BICC1: variants seen among roughly 807,000 people sequenced by gnomAD.
BICC1 encodes BicC family RNA binding protein 1.
Under a neutral mutation model 111.0 loss-of-function variants are expected in BICC1, and 43 were observed. The ratio of observed to expected loss-of-function variants is 0.39; its 90% CI spans 0.30 to 0.50. The LOEUF is 0.50. Ranked by LOEUF, BICC1 falls within the 20% of genes least tolerant of loss-of-function variation. BICC1 has a pLI of 0.88. For missense variants in BICC1, 1,091 were observed against 1,203.2 expected, an observed-to-expected ratio of 0.91 and a Z score of 1.38; for synonymous variants, 467 against 434.4, an observed-to-expected ratio of 1.07 and a Z score of -0.93.
intron 3 of BICC1, among the ~76,000 whole-genome samples, chr10:58,745,469 T>C (rs1292740176): frequency 6.6e-6 from 1 of 152,040 alleles, no homozygotes; most frequent in Non-Finnish European, 1.5e-5. Flanking sequence ...AAATTTATTA[T>C]CCTATATTTT....
chr10:58,699,095 T>A (rs1331111094), intron 2 of BICC1, among the ~76,000 whole-genome samples: 1 of 152,250 alleles, frequency 6.6e-6, no homozygotes, highest in Non-Finnish European at 1.5e-5. Flanking sequence ...CAGCTCCAGA[T>A]GTCAAATTCT....
At chr10:58,646,212 A>G (rs3862867) in intron 2 of BICC1, among the ~76,000 whole-genome samples, 1,827 of 152,280 alleles carry the variant, frequency 0.012, 44 homozygotes, top group African/African-American at 0.042. Flanking sequence ...TAGATGGGAA[A>G]TGCAGACTAA....
At chr10:58,793,905 C>T (rs892605636) in intron 9 of BICC1, among the ~76,000 whole-genome samples, 4 of 152,088 alleles carry the variant, frequency 2.6e-5, no homozygotes, top group Admixed American at 2.6e-4. Flanking sequence ...CTTCTGGTCC[C>T]AGGCATTTCA....
intron 1 of BICC1, among the ~76,000 whole-genome samples, chr10:58,583,582 C>CTG (rs1191365787): frequency 1.6e-4 from 11 of 69,552 alleles, no homozygotes; most frequent in African/African-American, 2.8e-4. Context: ...TATTCTCTCT[C>CTG]TCTGTGTGTG....
intron 2 of BICC1, among the ~76,000 whole-genome samples, chr10:58,660,743 G>A (rs1255498532): frequency 6.6e-6 from 1 of 152,024 alleles, no homozygotes; most frequent in African/African-American, 2.4e-5. Context: ...GCCTCTGCCT[G>A]GCAACTCCAC....
chr10:58,674,408 A>G (rs1209131827), intron 2 of BICC1, among the ~76,000 whole-genome samples: 1 of 152,130 alleles, frequency 6.6e-6, no homozygotes, highest in Non-Finnish European at 1.5e-5. Flanking sequence ...AAATGAGACA[A>G]TATATTTCTT....
At chr10:58,752,580 AT>A in intron 3 of BICC1, among the ~76,000 whole-genome samples, 1 of 152,064 alleles carries the variant, frequency 6.6e-6, no homozygotes, top group East Asian at 1.9e-4. Flanking sequence ...CTTTCTTCTC[AT>A]TTCTCTTCTT....
chr10:58,627,537 T>C (rs1487438076), intron 2 of BICC1, among the ~76,000 whole-genome samples: 1 of 152,222 alleles, frequency 6.6e-6, no homozygotes, highest in Non-Finnish European at 1.5e-5. Context: ...TGGAACTATT[T>C]CGACATTATG....
intron 3 of BICC1, among the ~76,000 whole-genome samples, chr10:58,719,310 C>T (rs748707159): frequency 2.0e-5 from 3 of 152,148 alleles, no homozygotes; most frequent in Non-Finnish European, 2.9e-5. Flanking sequence ...CATTATGCTA[C>T]TTTACACCTG....
At chr10:58,674,208 C>G (rs1839269678) in intron 2 of BICC1, among the ~76,000 whole-genome samples, 1 of 152,146 alleles carries the variant, frequency 6.6e-6, no homozygotes, top group East Asian at 1.9e-4. Context: ...AGGGACAGTC[C>G]CTATCCTATT....
At chr10:58,608,857 A>G (rs1845322171) in intron 1 of BICC1, among the ~76,000 whole-genome samples, 2 of 152,256 alleles carry the variant, frequency 1.3e-5, no homozygotes, top group Admixed American at 1.3e-4. Flanking sequence ...AAATAAATAA[A>G]GAAATACATA....
At chr10:58,563,013 C>A (rs1288665266) in intron 1 of BICC1, among the ~76,000 whole-genome samples, 1 of 152,082 alleles carries the variant, frequency 6.6e-6, no homozygotes, top group Non-Finnish European at 1.5e-5. Context: ...AGGGTAGTCT[C>A]CTCTCTATGC....
At chr10:58,778,366 A>C (rs542998253) in intron 3 of BICC1, among the ~76,000 whole-genome samples, 2 of 152,202 alleles carry the variant, frequency 1.3e-5, no homozygotes, top group Admixed American at 6.5e-5. Context: ...TTGACTCCCC[A>C]AAAACTTTAT....
intron 1 of BICC1, among the ~76,000 whole-genome samples, chr10:58,607,828 C>T (rs993228494): frequency 2.6e-5 from 4 of 152,164 alleles, no homozygotes; most frequent in Non-Finnish European, 5.9e-5. Flanking sequence ...TATGATAGTA[C>T]AGTCCGTAAC....
chr10:58,661,870 T>C (rs919626266), intron 2 of BICC1, among the ~76,000 whole-genome samples: 3 of 152,136 alleles, frequency 2.0e-5, no homozygotes, highest in African/African-American at 7.2e-5. Flanking sequence ...TTTTAAAAGA[T>C]GAAATCAAGA....
intron 3 of BICC1, among the ~76,000 whole-genome samples, chr10:58,708,110 C>T (rs1840453052): frequency 6.8e-6 from 1 of 147,692 alleles, no homozygotes; most frequent in Non-Finnish European, 1.5e-5. Flanking sequence ...TCCCAAAGTG[C>T]TGGGATTACA....
At chr10:58,756,887 A>G (rs1016615380) in intron 3 of BICC1, among the ~76,000 whole-genome samples, 1 of 152,206 alleles carries the variant, frequency 6.6e-6, no homozygotes. Flanking sequence ...TCGTAGATTT[A>G]GATAACATGA....
intron 2 of BICC1, 79 bp downstream of exon 2, chr10:58,620,980 G>A (rs548613039): frequency 3.7e-5 from 46 of 1,246,898 alleles, no homozygotes; most frequent in African/African-American, 2.3e-4. Flanking sequence ...AGAAGCCACC[G>A]AACGCTCCCC....
rs147549801 is a variant in BICC1, at chr10:58,721,945, G to T, written c.307+19802G>T. 2.0e-5 allele frequency among the ~76,000 whole-genome samples: 3 copies of T among 152,270 alleles called. No homozygotes were observed. In the East Asian group the frequency reaches 5.8e-4, roughly 29 times the overall value. The stretch of plus-strand genomic sequence containing the variant: ...TCCTGAAAGTCATGGTTAATGACTT[G>T]AGCCAAGTTAGGAAAAATATTTCCG... On this transcript the variant is annotated intron_variant, in intron 3 of 20. Transcript: ENST00000373886.
Sources: gnomAD v4.1 joint callset for allele counts (sites outside exome capture counted in the v4.1 genomes callset) on GRCh38, gnomAD v4.1.1 for gene constraint, MANE v1.5 for transcripts, NCBI Gene and HGNC (gene_info 2026-07-23, HGNC 2026-07-21) for gene names.